The following SRP54 variants were observed in gnomAD, a reference collection of about 807,000 sequenced individuals.
SRP54 encodes signal recognition particle 54, also known as signal recognition particle subunit SRP54.
Under a neutral mutation model 64.8 loss-of-function variants are expected in SRP54, and 10 were observed. The observed-to-expected ratio is 0.15, with a 90% confidence interval of 0.10 to 0.26. The LOEUF is 0.26. Among genes scored for constraint, SRP54 ranks in the 10% least tolerant of loss-of-function variants. The pLI is 1.00. For missense variants in SRP54, 325 were observed against 613.7 expected, an observed-to-expected ratio of 0.53 and a Z score of 4.97; for synonymous variants, 193 against 185.6, an observed-to-expected ratio of 1.04 and a Z score of -0.32.
intron 1 of SRP54, among the ~76,000 whole-genome samples, chr14:34,992,948 C>T (rs2044004916): frequency 6.6e-6 from 1 of 151,932 alleles, no homozygotes; most frequent in African/African-American, 2.4e-5. Context: ...CAACCTCCAC[C>T]TCCTGGGTTC....
chr14:35,000,821 C>T (rs887388838), intron 3 of SRP54, 115 bp from the exon 4 acceptor site: 8 of 474,494 alleles, frequency 1.7e-5, no homozygotes, highest in Non-Finnish European at 3.0e-5. Flanking sequence ...AATTGGAAGA[C>T]TATTAATATG....
chr14:35,027,019 C>CT (rs1272339784), intron 14 of SRP54, among the ~76,000 whole-genome samples: 1 of 144,860 alleles, frequency 6.9e-6, no homozygotes, highest in Non-Finnish European at 1.5e-5. Context: ...ACTTTACTTT[C>CT]TACTTTCTTT....
chr14:35,015,947 A>G (rs1225137718), intron 11 of SRP54, among the ~76,000 whole-genome samples: 5 of 151,860 alleles, frequency 3.3e-5, no homozygotes, highest in Admixed American at 1.3e-4. Flanking sequence ...TCCCATCCCA[A>G]CCTCTCACCT....
chr14:35,000,050 G>C (rs1342600506), intron 3 of SRP54, among the ~76,000 whole-genome samples: 1 of 151,868 alleles, frequency 6.6e-6, no homozygotes, highest in African/African-American at 2.4e-5. Context: ...ATTCTCTTTT[G>C]TTCTCCTTTT....
intron 15 of SRP54, 23 bp from the exon 16 acceptor site, chr14:35,029,038 C>CT: frequency 6.3e-7 from 1 of 1,588,828 alleles, no homozygotes; most frequent in Non-Finnish European, 8.6e-7. Context: ...GTTTTTAACT[C>CT]TACTTCCCTA....
At chr14:35,010,276 C>T (rs559761258) in intron 7 of SRP54, among the ~76,000 whole-genome samples, 1 of 151,872 alleles carries the variant, frequency 6.6e-6, no homozygotes, top group Admixed American at 6.6e-5. Flanking sequence ...GGAGAAAGCC[C>T]GTTTCTACTA....
At chr14:35,024,218 G>A (rs1381178746) in intron 14 of SRP54, among the ~76,000 whole-genome samples, 2 of 151,918 alleles carry the variant, frequency 1.3e-5, no homozygotes, top group African/African-American at 2.4e-5. Flanking sequence ...TAGTAGAGAC[G>A]GGGTTTCACT....
rs762047978 is a variant in SRP54 at position 35,029,045 on chromosome 14, CCTA to C, written c.1424-13_1424-11del. On this transcript the variant is annotated splice_polypyrimidine_tract_variant and intron_variant, in intron 15 of 15. Transcript: ENST00000216774. The stretch of plus-strand genomic sequence containing the variant: ...AATTCTCTGTTTTTAACTCTACTTC[CCTA>C]CTTTTGCTCTAGGTGGTATGGCAGG... 6.2e-7 allele frequency: 1 copy of C among 1,603,666 alleles called. No individual in the cohort carries two copies. The highest frequency in any genetic ancestry group is 1.1e-5 in the South Asian group (1 of 90,452).
chr14:34,995,198 G>A (rs1366815776), intron 1 of SRP54, among the ~76,000 whole-genome samples: 2 of 145,952 alleles, frequency 1.4e-5, no homozygotes, highest in African/African-American at 5.0e-5. Context: ...TAGAGAGAGA[G>A]AGGGAGAAAT....
At chr14:35,028,255 T>C in intron 15 of SRP54, 72 bp downstream of exon 15, 2 of 901,002 alleles carry the variant, frequency 2.2e-6, no homozygotes, top group South Asian at 3.4e-5. Flanking sequence ...GATAAGCCTT[T>C]TATTGTAATA....
chr14:35,009,001 C>G (rs1566650337), intron 7 of SRP54, among the ~76,000 whole-genome samples, 170 bp downstream of exon 7: 1 of 149,424 alleles, frequency 6.7e-6, no homozygotes, highest in Non-Finnish European at 1.5e-5. Flanking sequence ...ATTCTCCTGT[C>G]TCAGCTTCCT....
chr14:35,010,219 G>A (rs1489805426), intron 7 of SRP54, among the ~76,000 whole-genome samples: 15 of 152,014 alleles, frequency 9.9e-5, no homozygotes, highest in Admixed American at 2.0e-4. Flanking sequence ...AGGCTTAGGC[G>A]GGTGGATCAC....
Position 35,028,197 on chromosome 14 carries a change from T to G in SRP54, c.1423+14T>G. Reference sequence around the variant, plus strand: ...TTCATCACATGGGTAAATACCAAGTTGTTGGCAGTTGCTAATGCAGTTTAA... The same window carrying G: ...TTCATCACATGGGTAAATACCAAGTGGTTGGCAGTTGCTAATGCAGTTTAA... On this transcript the variant is annotated intron_variant, in intron 15 of 15. Transcript: ENST00000216774. The G allele has an allele frequency of 6.5e-7, 1 of 1,533,588 alleles. No homozygotes were observed. The highest frequency in any genetic ancestry group is 8.9e-7 in the Non-Finnish European group (1 of 1,117,730). The allele number at this position is 1,533,588 out of a possible 1,614,324, so 95.0% of individuals were successfully genotyped here.
At chr14:35,025,630 A>G (rs1200116816) in intron 14 of SRP54, among the ~76,000 whole-genome samples, 1 of 152,228 alleles carries the variant, frequency 6.6e-6, no homozygotes, top group African/African-American at 2.4e-5. Context: ...CAAACTTGAA[A>G]TACTTTTTAG....
At chr14:35,014,287 T>G (rs2044403208) in intron 10 of SRP54, among the ~76,000 whole-genome samples, 1 of 146,406 alleles carries the variant, frequency 6.8e-6, no homozygotes, top group African/African-American at 2.5e-5. Context: ...TTTTTTTTTT[T>G]TTTTTTTGAG....
chr14:35,006,269 G>A (rs1289630095), intron 4 of SRP54, among the ~76,000 whole-genome samples: 1 of 152,078 alleles, frequency 6.6e-6, no homozygotes, highest in Non-Finnish European at 1.5e-5. Context: ...GTAAATATTT[G>A]GCATTGGAGA....
chr14:35,020,811 C>G (rs551893967), intron 13 of SRP54, among the ~76,000 whole-genome samples: 2 of 152,308 alleles, frequency 1.3e-5, no homozygotes, highest in African/African-American at 4.8e-5. Context: ...ATAACAACTC[C>G]TATGGCATAT....
At chr14:34,990,624 A>G (rs1566641369) in intron 1 of SRP54, among the ~76,000 whole-genome samples, 1 of 152,172 alleles carries the variant, frequency 6.6e-6, no homozygotes, top group Non-Finnish European at 1.5e-5. Flanking sequence ...TAGTTAGGCA[A>G]GAGAATCTTG....
intron 14 of SRP54, among the ~76,000 whole-genome samples, chr14:35,027,123 G>A (rs1294832218): frequency 1.3e-5 from 2 of 148,418 alleles, no homozygotes; most frequent in East Asian, 2.1e-4. Flanking sequence ...TCCGCCTCCC[G>A]GATTCAAGCA....
Sources: allele counts gnomAD v4.1 joint callset (sites outside exome capture counted in the v4.1 genomes callset), GRCh38; gene constraint gnomAD v4.1.1; transcripts MANE v1.5; gene names NCBI Gene and HGNC (gene_info 2026-07-23, HGNC 2026-07-21).